CNTLN: variants seen among roughly 807,000 people sequenced by gnomAD.
The protein encoded by CNTLN is centlein, also known as centlein, centrosomal protein.
Under a neutral mutation model 180.0 loss-of-function variants are expected in CNTLN, and 212 were observed. The observed-to-expected ratio is 1.18, with a 90% CI of 1.05 to 1.32. The LOEUF is 1.32. Ranked by LOEUF, CNTLN falls within the 40% of genes most tolerant of loss-of-function variation. The pLI, the probability that CNTLN is intolerant of heterozygous loss-of-function variation, is 0.00. For missense variants in CNTLN, 2,095 were observed against 1,610.9 expected, an observed-to-expected ratio of 1.30 and a Z score of -5.14; for synonymous variants, 722 against 563.1, an observed-to-expected ratio of 1.28 and a Z score of -3.99.
intron 18 of CNTLN, among the ~76,000 whole-genome samples, chr9:17,452,603 C>T (rs1830848644): frequency 6.6e-6 from 1 of 152,156 alleles, no homozygotes; most frequent in Admixed American, 6.5e-5. Flanking sequence ...AGACCAGTAG[C>T]TACCTAAAGG....
intron 2 of CNTLN, among the ~76,000 whole-genome samples, chr9:17,202,663 T>G (rs1463113942): frequency 1.4e-5 from 2 of 140,506 alleles, no homozygotes; most frequent in Non-Finnish European, 3.0e-5. Context: ...TTTTTTTTTT[T>G]TTTTTTTGTT....
intron 16 of CNTLN, among the ~76,000 whole-genome samples, chr9:17,415,577 A>AT (rs1367666222): frequency 4.6e-5 from 7 of 151,688 alleles, no homozygotes; most frequent in Non-Finnish European, 8.8e-5. Context: ...ATTTTTTTCA[A>AT]TTTTTTTTGT....
At chr9:17,154,709 A>G (rs901280866) in intron 2 of CNTLN, among the ~76,000 whole-genome samples, 1 of 152,202 alleles carries the variant, frequency 6.6e-6, no homozygotes, top group Non-Finnish European at 1.5e-5. Flanking sequence ...AAAGGTTTGT[A>G]AATGCACCAA....
chr9:17,314,292 A>T (rs1241281281), intron 8 of CNTLN, among the ~76,000 whole-genome samples: 1 of 151,998 alleles, frequency 6.6e-6, no homozygotes, highest in East Asian at 1.9e-4. Context: ...TATGGGTCAT[A>T]CATTGTTTCT....
At chr9:17,427,995 A>G (rs1829198371) in intron 18 of CNTLN, among the ~76,000 whole-genome samples, 2 of 152,232 alleles carry the variant, frequency 1.3e-5, no homozygotes, top group African/African-American at 4.8e-5. Flanking sequence ...GAGACAGAAT[A>G]TAATAACCAT....
In CNTLN at chr9:17,135,219, G is replaced by T; in HGVS notation, c.154G>T (p.Glu52Ter). ...CGCAGCGCGGGAGGTGGTCGCGGAC[G>T]AAAGTGATAAAATCTGGGTGGGTGA... is the stretch of plus-strand genomic sequence containing the variant. The part of the protein sequence containing the change: ...AGAAREVVAD[E>*]SDKIWVGEEG... The change falls in exon 1 of 26, where the codon GAA becomes TAA. Residue 52 changes from glutamate (E) to a stop codon, truncating the protein, a stop_gained. Coordinates refer to ENST00000380647, the MANE Select transcript of CNTLN (RefSeq NM_017738.4). LOFTEE classifies it high-confidence loss of function. 2 of 1,610,358 alleles carry T rather than the reference G, an allele frequency of 1.2e-6. No homozygotes were observed. Among genetic ancestry groups the T allele is most frequent in the Non-Finnish European group, 1.7e-6 (2 of 1,178,700 alleles).
intron 18 of CNTLN, among the ~76,000 whole-genome samples, chr9:17,430,816 G>C (rs1829373268): frequency 6.6e-6 from 1 of 152,056 alleles, no homozygotes. Context: ...GTATTTGTGT[G>C]CCTGGCTTAT....
chr9:17,177,277 C>T (rs931868138), intron 2 of CNTLN, among the ~76,000 whole-genome samples: 1 of 152,022 alleles, frequency 6.6e-6, no homozygotes, highest in African/African-American at 2.4e-5. Context: ...GGCGTGGTGG[C>T]AGGCACCTGT....
At chr9:17,219,479 G>A (rs1188739356) in intron 2 of CNTLN, among the ~76,000 whole-genome samples, 2 of 151,910 alleles carry the variant, frequency 1.3e-5, no homozygotes, top group South Asian at 2.1e-4. Context: ...TAGACAAATT[G>A]CCATATTTTG....
At chr9:17,457,875 G>A (rs985813137) in intron 19 of CNTLN, among the ~76,000 whole-genome samples, 160 bp downstream of exon 19, 1 of 151,884 alleles carries the variant, frequency 6.6e-6, no homozygotes, top group African/African-American at 2.4e-5. Flanking sequence ...TAGCCTGGTA[G>A]ATTCTTATCT....
intron 2 of CNTLN, among the ~76,000 whole-genome samples, chr9:17,206,987 CTG>C (rs1182516024): frequency 6.6e-6 from 1 of 152,222 alleles, no homozygotes; most frequent in Non-Finnish European, 1.5e-5. Context: ...CCCTCCTTGT[CTG>C]TGCACTGATG....
At chr9:17,317,856 A>C (rs1320906801) in intron 8 of CNTLN, among the ~76,000 whole-genome samples, 1 of 152,080 alleles carries the variant, frequency 6.6e-6, no homozygotes, top group Non-Finnish European at 1.5e-5. Context: ...TCAGAGAGGT[A>C]AATGTGGGAC....
intron 2 of CNTLN, among the ~76,000 whole-genome samples, chr9:17,174,901 A>G (rs989649704): frequency 1.3e-5 from 2 of 152,188 alleles, no homozygotes; most frequent in African/African-American, 4.8e-5. Context: ...CTCATGGTTA[A>G]TGATGTTGAA....
In CNTLN at chr9:17,376,612, C is replaced by T. The variant is rs559006504; in HGVS notation, c.1987+9895C>T. 5.6e-4 allele frequency among the ~76,000 whole-genome samples: 85 copies of T among 152,038 alleles called. 2 individuals are homozygous for T. In the East Asian group the frequency reaches 7.8e-3, roughly 14 times the overall value. On this transcript the variant is annotated intron_variant, in intron 13 of 25. Transcript: ENST00000380647. ...GACTGCAGGCGCCCACCACCTTGCC[C>T]GGCTAATTTTTTGTATTTTTAGTAG... is the stretch of plus-strand genomic sequence containing the variant.
intron 5 of CNTLN, among the ~76,000 whole-genome samples, chr9:17,261,825 A>G (rs572031110): frequency 1.3e-5 from 2 of 151,674 alleles, no homozygotes; most frequent in East Asian, 3.9e-4. Flanking sequence ...AATGTTTGCA[A>G]TCTACCATTC....
intron 18 of CNTLN, among the ~76,000 whole-genome samples, chr9:17,433,020 C>CAAAAAA (rs557721017): frequency 8.8e-5 from 9 of 102,280 alleles, no homozygotes; most frequent in African/African-American, 1.6e-4. Context: ...GACTCTGTCT[C>CAAAAAA]AAAAAAAAAA....
chr9:17,266,922 C>G (rs903419885), intron 5 of CNTLN, among the ~76,000 whole-genome samples: 1 of 152,078 alleles, frequency 6.6e-6, no homozygotes, highest in African/African-American at 2.4e-5. Flanking sequence ...TATTTTGAGC[C>G]TATGTGTGTC....
chr9:17,143,724 TAG>T (rs1371163097), intron 2 of CNTLN, among the ~76,000 whole-genome samples: 2 of 152,212 alleles, frequency 1.3e-5, no homozygotes, highest in African/African-American at 4.8e-5. Context: ...ACTGCCTCTA[TAG>T]GGAACTTACT....
chr9:17,306,348 C>T (rs1201659479), intron 7 of CNTLN, among the ~76,000 whole-genome samples: 1 of 152,038 alleles, frequency 6.6e-6, no homozygotes, highest in African/African-American at 2.4e-5. Flanking sequence ...AGGGTTTCTC[C>T]ATGTTGGTGA....
Sources: gnomAD v4.1 joint callset for allele counts (sites outside exome capture counted in the v4.1 genomes callset) on GRCh38, gnomAD v4.1.1 for gene constraint, MANE v1.5 for transcripts, NCBI Gene and HGNC (gene_info 2026-07-23, HGNC 2026-07-21) for gene names.